Variants in PFDN1 observed in about 807,000 individuals in gnomAD.
PFDN1 encodes prefoldin 1.
Under a neutral mutation model 17.3 loss-of-function variants are expected in PFDN1, and 6 were observed. The ratio of observed to expected loss-of-function variants is 0.35; its 90% CI spans 0.19 to 0.69. The LOEUF is 0.69. Among genes scored for constraint, PFDN1 ranks in the 30% least tolerant of loss-of-function variants. PFDN1 has a pLI of 0.65. For synonymous variants in PFDN1, 58 were observed against 50.1 expected (o/e 1.16, Z -0.67); for missense variants, 113 against 146.2 (o/e 0.77, Z 1.17).
At chr5:140,274,640 T>C (rs1765262252) in intron 3 of PFDN1, among the ~76,000 whole-genome samples, 1 of 152,170 alleles carries the variant, frequency 6.6e-6, no homozygotes, top group Non-Finnish European at 1.5e-5. Context: ...ACCGTGAGTC[T>C]GTTATGAAAA....
chr5:140,294,352 G>A (rs1369132278), intron 2 of PFDN1, among the ~76,000 whole-genome samples: 1 of 151,764 alleles, frequency 6.6e-6, no homozygotes, highest in Non-Finnish European at 1.5e-5. Flanking sequence ...TAATCTCTTA[G>A]CAATAAAATA....
chr5:140,268,316 C>CA (rs10707149), intron 3 of PFDN1, among the ~76,000 whole-genome samples: 2 of 151,882 alleles, frequency 1.3e-5, no homozygotes, highest in Non-Finnish European at 2.9e-5. Flanking sequence ...CTAAAATTCA[C>CA]AAAAAAAGTT....
intron 2 of PFDN1, among the ~76,000 whole-genome samples, chr5:140,287,377 C>T (rs1397688579): frequency 6.6e-6 from 1 of 152,166 alleles, no homozygotes; most frequent in Non-Finnish European, 1.5e-5. Flanking sequence ...TAGATATGTA[C>T]ATACACATGA....
At chr5:140,281,290 G>A in intron 3 of PFDN1, 159 bp downstream of exon 3, 1 of 544,618 alleles carries the variant, frequency 1.8e-6, no homozygotes, top group Non-Finnish European at 3.3e-6. Context: ...TATGCGCTAT[G>A]AATATGAATA....
chr5:140,259,666 T>C (rs1765035981), intron 3 of PFDN1, among the ~76,000 whole-genome samples: 1 of 152,098 alleles, frequency 6.6e-6, no homozygotes, highest in South Asian at 2.1e-4. Context: ...AAGGGGTAGG[T>C]GAATAAGGGT....
At chr5:140,278,888 T>C (rs758781741) in intron 3 of PFDN1, among the ~76,000 whole-genome samples, 1 of 152,114 alleles carries the variant, frequency 6.6e-6, no homozygotes, top group South Asian at 2.1e-4. Context: ...TGGAAAAGTA[T>C]AGGATTGTTT....
intron 2 of PFDN1, 49 bp from the exon 3 acceptor site, chr5:140,281,582 C>A: frequency 2.2e-6 from 2 of 904,664 alleles, no homozygotes; most frequent in South Asian, 2.7e-5. Flanking sequence ...CTATTGAATT[C>A]ATCGAAATCA....
rs1335205089 is a variant in PFDN1, at chr5:140,280,014, C to CCAAAAAAAAAAAAAAAA, written c.285+1434_285+1435insTTTTTTTTTTTTTTTTG. Among the ~76,000 whole-genome samples, 188 of 99,046 alleles carry CCAAAAAAAAAAAAAAAA rather than the reference C, an allele frequency of 1.9e-3. 8 individuals carry two copies. Among genetic ancestry groups the CCAAAAAAAAAAAAAAAA allele is most frequent in the African/African-American group, 6.5e-3 (130 of 19,900 alleles). The allele number at this position is 99,046 out of a possible 152,430, so 65.0% of individuals were successfully genotyped here. ...CCGTCTCAAAAAAAAAAAAAAAAAA[C>CCAAAAAAAAAAAAAAAA]AAAAAAAGAAAAGAAAAGAAAAGAA... On this transcript the variant is annotated intron_variant, in intron 3 of 3. Transcript: ENST00000261813.
At chr5:140,248,637 C>G (rs1764866610) in intron 3 of PFDN1, among the ~76,000 whole-genome samples, 1 of 152,228 alleles carries the variant, frequency 6.6e-6, no homozygotes, top group Admixed American at 6.5e-5. Context: ...GCTGCCACAG[C>G]TGGCAAAACC....
intron 3 of PFDN1, among the ~76,000 whole-genome samples, chr5:140,259,481 A>G (rs1765033914): frequency 6.6e-6 from 1 of 152,222 alleles, no homozygotes. Flanking sequence ...GTGCTCTTCA[A>G]TAAGACGGAC....
rs1257929081 is a variant in PFDN1, at chr5:140,261,168, A to G, written c.286-15111T>C. Among the ~76,000 whole-genome samples, 4 of 151,550 alleles carry G rather than the reference A, an allele frequency of 2.6e-5. No individual in the cohort carries two copies. The East Asian group carries it at 7.7e-4, about 29-fold the overall frequency. On this transcript the variant is annotated intron_variant, in intron 3 of 3. Coordinates refer to ENST00000261813, the MANE Select transcript of PFDN1 (RefSeq NM_002622.5). ...CACAGTAAGACTCCATCTCAAAAAA[A>G]AAAAAAAAAAAAAGAAAGGATATTT...
In PFDN1 at chr5:140,278,568, A is replaced by C. The variant is rs1765338082; in HGVS notation, c.285+2881T>G. 1.3e-5 allele frequency among the ~76,000 whole-genome samples: 2 copies of C among 149,848 alleles called. 1 individual carries two copies. The highest frequency in any genetic ancestry group is 4.2e-4 in the South Asian group (2 of 4,792). On this transcript the variant is annotated intron_variant, in intron 3 of 3. Transcript: ENST00000261813. ...ATGAGACTCTGTCTCAAAAAAAAAAAAAAAAAAAAAAAAAAAAAACAAAAA... is the reference window on the plus strand; with the variant it reads ...ATGAGACTCTGTCTCAAAAAAAAAACAAAAAAAAAAAAAAAAAAACAAAAA...
chr5:140,295,061 A>T (rs1383190238), intron 2 of PFDN1, among the ~76,000 whole-genome samples: 2 of 152,002 alleles, frequency 1.3e-5, no homozygotes, highest in Non-Finnish European at 2.9e-5. Context: ...AGTTCCTCAT[A>T]TTAAAAAAAA....
At chr5:140,281,685 T>C (rs1765404306) in intron 2 of PFDN1, 152 bp from the exon 3 acceptor site, 1 of 613,712 alleles carries the variant, frequency 1.6e-6, no homozygotes, top group Non-Finnish European at 2.9e-6. Flanking sequence ...ACCAGAAGTT[T>C]AAACCTTCTT....
intron 1 of PFDN1, among the ~76,000 whole-genome samples, chr5:140,300,894 A>T (rs1765734511): frequency 6.6e-6 from 1 of 152,244 alleles, no homozygotes; most frequent in African/African-American, 2.4e-5. Context: ...CCAGAGATTC[A>T]AAACAAGAAC....
intron 2 of PFDN1, among the ~76,000 whole-genome samples, chr5:140,289,425 T>C (rs969458990): frequency 6.6e-6 from 1 of 152,216 alleles, no homozygotes; most frequent in Non-Finnish European, 1.5e-5. Flanking sequence ...GATCACTGTA[T>C]GCTCAAATCT....
At position 140,245,124 on chromosome 5, in the gene PFDN1, CA is replaced by C. The variant is rs1764808378; in HGVS notation, c.*849del. The C allele has an allele frequency of 4.3e-6, 1 of 230,962 alleles. No individual in the cohort carries two copies. The allele number at this position is 230,962 out of a possible 1,614,324, so 14.3% of individuals were successfully genotyped here. ...GTTTTTAACATAATTTGCAAATTTA[CA>C]TAATTATAATGGCTGTGTTTGACAA... is the stretch of plus-strand genomic sequence containing the variant. On this transcript the variant is annotated 3_prime_UTR_variant, in exon 4 of 4. Coordinates refer to ENST00000261813, the MANE Select transcript of PFDN1 (RefSeq NM_002622.5).
chr5:140,274,992 C>CA (rs1268320654), intron 3 of PFDN1, among the ~76,000 whole-genome samples: 1,628 of 65,446 alleles, frequency 0.025, 35 homozygotes, highest in African/African-American at 0.073. Flanking sequence ...GACTTCATCT[C>CA]AAAAAAAAAA....
intron 2 of PFDN1, chr5:140,281,836 G>C (rs1765406611): frequency 4.0e-6 from 1 of 247,388 alleles, no homozygotes; most frequent in Non-Finnish European, 7.7e-6. Context: ...CCAGGTGTCT[G>C]AGTCTAGTCT....
Sources: allele counts gnomAD v4.1 joint callset (sites outside exome capture counted in the v4.1 genomes callset), GRCh38; gene constraint gnomAD v4.1.1; transcripts MANE v1.5; gene names NCBI Gene and HGNC (gene_info 2026-07-23, HGNC 2026-07-21).